IGSF9B: variants seen among roughly 807,000 people sequenced by gnomAD.
IGSF9B encodes protein turtle homolog B.
In IGSF9B, 48 loss-of-function variants were observed where a neutral mutation model predicts 143.7. The observed-to-expected ratio is 0.33, with a 90% CI of 0.26 to 0.42. The LOEUF (loss-of-function observed/expected upper bound fraction) is 0.42. IGSF9B is among the 20% of genes least tolerant of loss of function. IGSF9B has a pLI of 1.00. For synonymous variants in IGSF9B, 903 were observed against 833.1 expected (o/e 1.08, Z -1.44); for missense variants, 1,706 against 1,980.0 (o/e 0.86, Z 2.63).
chr11:133,920,890 A>ACCTTCCAGGCCACCGGGG lies in IGSF9B; in HGVS notation c.2817_2834dup (p.Pro940_Gly945dup). 6.2e-7 allele frequency: 1 copy of ACCTTCCAGGCCACCGGGG among 1,607,292 alleles called. No homozygotes were observed. Among genetic ancestry groups the ACCTTCCAGGCCACCGGGG allele is most frequent in the Non-Finnish European group, 8.5e-7 (1 of 1,176,972 alleles). On this transcript the variant is annotated inframe_insertion, in exon 18 of 20. Transcript: ENST00000533871. ...GGGCCTGGCCTGTGGCCTGAAGCCGACCTTCCAGGCCACCGGGGCCCTCCA... is the reference window on the plus strand; with the variant it reads ...GGGCCTGGCCTGTGGCCTGAAGCCGACCTTCCAGGCCACCGGGGCCTTCCAGGCCACCGGGGCCCTCCA...
intron 1 of IGSF9B, among the ~76,000 whole-genome samples, chr11:133,956,163 C>T (rs1206022946): frequency 6.6e-6 from 1 of 152,054 alleles, no homozygotes; most frequent in South Asian, 2.1e-4. Context: ...GGGGCGCGAG[C>T]GGAGCGATGG....
At chr11:133,937,514 G>A (rs1939847055) in intron 4 of IGSF9B, 21 bp from the exon 5 acceptor site, 1 of 1,590,366 alleles carries the variant, frequency 6.3e-7, no homozygotes. Context: ...AAAACAGAGG[G>A]AGCTCAGCAC....
intron 12 of IGSF9B, 26 bp downstream of exon 12, chr11:133,929,645 C>A (rs548677233): frequency 4.8e-5 from 72 of 1,506,316 alleles, no homozygotes; most frequent in Non-Finnish European, 6.4e-5. Flanking sequence ...GCAAAGCATG[C>A]CGGGGTGACT....
Position 133,908,036 on chromosome 11 carries a change from C to T in IGSF9B, c.*1033G>A, listed in dbSNP as rs948372343. 2.0e-5 allele frequency among the ~76,000 whole-genome samples: 3 copies of T among 152,228 alleles called. No individual in the cohort carries two copies. The highest frequency in any genetic ancestry group is 2.9e-5 in the Non-Finnish European group (2 of 68,038). On this transcript the variant is annotated 3_prime_UTR_variant, in exon 20 of 20. Transcript: ENST00000533871. ...AACAGCACTGCACAGAGTGCTGAGC[C>T]GGGGACGGTATAAATAGAGCCGGCA...
At chr11:133,933,548 C>A (rs1401268862) in intron 7 of IGSF9B, among the ~76,000 whole-genome samples, 1 of 152,200 alleles carries the variant, frequency 6.6e-6, no homozygotes, top group African/African-American at 2.4e-5. Flanking sequence ...GAGTTTAAGA[C>A]CAGCCTGGGC....
At chr11:133,937,646 A>G (rs1939849206) in intron 4 of IGSF9B, among the ~76,000 whole-genome samples, 153 bp from the exon 5 acceptor site, 1 of 152,214 alleles carries the variant, frequency 6.6e-6, no homozygotes, top group South Asian at 2.1e-4. Flanking sequence ...CCCCTTGCCC[A>G]TCTCCCGCCA....
At position 133,937,933 on chromosome 11, in the gene IGSF9B, G is replaced by T. The variant is rs1939855975; in HGVS notation, c.438C>A (p.Pro146=). 3.7e-6 allele frequency: 6 copies of T among 1,613,346 alleles called. No homozygotes were observed. In the African/African-American group the frequency reaches 6.7e-5, roughly 18 times the overall value. The part of the protein sequence containing the change: ...NAPPTFTETP[P]QYIEAKEGGS... ...CACCCTCCTTGGCCTCGATGTACTG[G>T]GGGGGTGTTTCTGTAAAGGTGGGAG... The change falls in exon 4 of 20, where the codon CCC becomes CCA. Residue 146 remains proline, a synonymous_variant. Transcript: ENST00000533871.
intron 3 of IGSF9B, chr11:133,938,216 A>C (rs1025787214): frequency 9.4e-6 from 4 of 425,852 alleles, no homozygotes; most frequent in Non-Finnish European, 1.7e-5. Context: ...CTGAGCATCT[A>C]CTCTAGGGTG....
chr11:133,931,878 C>T lies in IGSF9B; in HGVS notation c.1111-83G>A. The T allele has an allele frequency of 6.4e-7, 1 of 1,569,082 alleles. No homozygotes were observed. Among genetic ancestry groups the T allele is most frequent in the Non-Finnish European group, 8.6e-7 (1 of 1,159,300 alleles). ...CAGGCTGGGTCCCAGCTGGGCCAGG[C>T]AGCACGCAGGATAGTACAGGAGCTC... On this transcript the variant is annotated intron_variant, in intron 8 of 19. Coordinates refer to ENST00000533871, the MANE Select transcript of IGSF9B (RefSeq NM_001277285.4). This position sits in a 1 kb window ranked among gnomAD's most constrained non-coding sequence, Gnocchi z 7.7.
Position 133,920,246 on chromosome 11 carries a change from C to T in IGSF9B, c.3479G>A (p.Gly1160Asp), listed in dbSNP as rs769724847. 3.3e-6 allele frequency: 5 copies of T among 1,516,168 alleles called. No individual in the cohort carries two copies. The East Asian group carries it at 1.1e-4, about 35-fold the overall frequency. The allele number at this position is 1,516,168 out of a possible 1,614,324, so 93.9% of individuals were successfully genotyped here. ...GGTGTCCAGGCCAAATGTGCTGGGG[C>T]CGCCGTGCGCCCCCGGCTCAGCCGG... Reference protein sequence around the residue: ...PEPAEPGAHGGPSTFGLDTRW... With the variant: ...PEPAEPGAHGDPSTFGLDTRW... Residue 1160 changes from glycine to aspartate, a missense_variant, in exon 18 of 20, where the codon GGC becomes GAC. Around this residue, in one of 7 missense-constraint regions of IGSF9B, gnomAD observed 880 missense variants for 762.9 expected, o/e 1.15. Transcript: ENST00000533871.
chr11:133,919,550 T>C (rs1006907845), intron 18 of IGSF9B, among the ~76,000 whole-genome samples, 192 bp downstream of exon 18: 14 of 151,424 alleles, frequency 9.2e-5, no homozygotes, highest in Non-Finnish European at 2.1e-4. Context: ...CCTGGGCAGG[T>C]GGGCCCGCTG....
In IGSF9B at chr11:133,900,427, C is replaced by A. The variant is rs1939101241; in HGVS notation, c.*8642G>T. On this transcript the variant is annotated 3_prime_UTR_variant, in exon 20 of 20. Coordinates refer to ENST00000533871, the MANE Select transcript of IGSF9B (RefSeq NM_001277285.4). Reference sequence around the variant, plus strand: ...CTGAGGCTGCAAGGCAGAGCCCTTGCATATGTGTGAGGTCTGGAATTTGCT... The same window carrying A: ...CTGAGGCTGCAAGGCAGAGCCCTTGAATATGTGTGAGGTCTGGAATTTGCT... The A allele has an allele frequency of 6.6e-6, 1 of 152,624 alleles. No homozygotes were observed. The highest frequency in any genetic ancestry group is 1.5e-5 in the Non-Finnish European group (1 of 68,064). The allele number at this position is 152,624 out of a possible 1,614,324, so 9.5% of individuals were successfully genotyped here.
In IGSF9B at chr11:133,903,137, G is replaced by A. The variant is rs765086129; in HGVS notation, c.*5932C>T. On this transcript the variant is annotated 3_prime_UTR_variant, in exon 20 of 20. Transcript: ENST00000533871. ...GAAAAGGGAAGGGAAGCTAACTGGTGTGTATACGGGGTGGCGAGGGAGAAC... is the reference window on the plus strand; with the variant it reads ...GAAAAGGGAAGGGAAGCTAACTGGTATGTATACGGGGTGGCGAGGGAGAAC... 1.3e-5 allele frequency among the ~76,000 whole-genome samples: 2 copies of A among 152,136 alleles called. No individual in the cohort carries two copies. The highest frequency in any genetic ancestry group is 2.9e-5 in the Non-Finnish European group (2 of 68,044).
Position 133,920,535 on chromosome 11 carries a change from A to G in IGSF9B, c.3190T>C (p.Cys1064Arg). 6.2e-7 allele frequency: 1 copy of G among 1,610,306 alleles called. No homozygotes were observed. Among genetic ancestry groups the G allele is most frequent in the South Asian group, 1.1e-5 (1 of 90,496 alleles). ...AMMFPHQLPP[C>R]DVPESLQPKA... ...GGCTGCAGACTCTCGGGCACATCAC[A>G]GGGTGGCAGCTGGTGGGGGAACATC... Residue 1064 changes from cysteine (C) to arginine (R), a missense_variant, in exon 18 of 20, where the codon TGT becomes CGT. Cys to Arg is a radical substitution (Grantham distance 180). Transcript: ENST00000533871.
At position 133,937,799 on chromosome 11, in the gene IGSF9B, A is replaced by G. The variant is rs1216701783; in HGVS notation, c.561+11T>C. On this transcript the variant is annotated intron_variant, in intron 4 of 19. Coordinates refer to ENST00000533871, the MANE Select transcript of IGSF9B (RefSeq NM_001277285.4). ...GAGACCGCAGCGGCCCCAACCTAGA[A>G]CCACACTCACCTGGTATTTCCCACT... 3 of 1,607,978 alleles carry G rather than the reference A, an allele frequency of 1.9e-6. No individual in the cohort carries two copies. The highest frequency in any genetic ancestry group is 2.5e-6 in the Non-Finnish European group (3 of 1,177,040).
Position 133,906,629 on chromosome 11 carries a change from A to T in IGSF9B, c.*2440T>A, listed in dbSNP as rs959640054. 3.3e-5 allele frequency among the ~76,000 whole-genome samples: 5 copies of T among 152,186 alleles called. No individual in the cohort carries two copies. The highest frequency in any genetic ancestry group is 1.2e-4 in the African/African-American group (5 of 41,444). On this transcript the variant is annotated 3_prime_UTR_variant, in exon 20 of 20. Coordinates refer to ENST00000533871, the MANE Select transcript of IGSF9B (RefSeq NM_001277285.4). ...GGCACAGCCATGGCCTGAGCATCTC[A>T]GCCTCTCATGACATCCGAAAGAAGC...
rs1939206861 is a variant in IGSF9B, at chr11:133,906,067, G to A, written c.*3002C>T. 1.3e-5 allele frequency among the ~76,000 whole-genome samples: 2 copies of A among 152,228 alleles called. No individual in the cohort carries two copies. The highest frequency in any genetic ancestry group is 6.5e-5 in the Admixed American group (1 of 15,284). ...GGTTTACATCTGAGTCGTGTCTACTGCAAGGCCGCCAGACCGTAAAAGGGG... is the reference window on the plus strand; with the variant it reads ...GGTTTACATCTGAGTCGTGTCTACTACAAGGCCGCCAGACCGTAAAAGGGG... On this transcript the variant is annotated 3_prime_UTR_variant, in exon 20 of 20. Transcript: ENST00000533871.
rs749901645 is a variant in IGSF9B, at chr11:133,903,856, A to G, written c.*5213T>C. On this transcript the variant is annotated 3_prime_UTR_variant, in exon 20 of 20. Transcript: ENST00000533871. ...TGGTGATTGGTACCCCTAGCCAAAC[A>G]GCAAGCTGGTAAGAGTGCGAAAGTC... is the stretch of plus-strand genomic sequence containing the variant. Among the ~76,000 whole-genome samples, 10 of 152,202 alleles carry G rather than the reference A, an allele frequency of 6.6e-5. No individual in the cohort carries two copies. The highest frequency in any genetic ancestry group is 1.3e-4 in the Non-Finnish European group (9 of 68,040).
At chr11:133,929,942 C>A (rs1339595867) in intron 11 of IGSF9B, among the ~76,000 whole-genome samples, 160 bp from the exon 12 acceptor site, 1 of 152,156 alleles carries the variant, frequency 6.6e-6, no homozygotes, top group Non-Finnish European at 1.5e-5. Context: ...TCTCAGGCGC[C>A]GACTCCCCTG....
Sources: gnomAD v4.1 joint callset for allele counts (sites outside exome capture counted in the v4.1 genomes callset) on GRCh38, gnomAD v4.1.1 for gene constraint, gnomAD v4.1.1 regional missense constraint, Gnocchi (gnomAD v3.1) non-coding constraint, MANE v1.5 for transcripts, NCBI Gene and HGNC (gene_info 2026-07-23, HGNC 2026-07-21) for gene names.